The following NXF1 variants were observed in gnomAD, a reference collection of about 807,000 sequenced individuals.
NXF1 encodes the protein mRNA export factor TAP.
A neutral mutation model predicts 92.4 loss-of-function variants in NXF1; 43 were observed. The ratio of observed to expected loss-of-function variants is 0.47; its 90% CI spans 0.36 to 0.60. The LOEUF is 0.60. Among genes scored for constraint, NXF1 ranks in the 20% least tolerant of loss-of-function variants. NXF1 has a pLI of 0.00. For synonymous variants in NXF1, 288 were observed against 292.2 expected, an observed-to-expected ratio of 0.99 and a Z score of 0.15; for missense variants, 576 against 793.0, an observed-to-expected ratio of 0.73 and a Z score of 3.29.
Position 62,801,528 on chromosome 11 carries a change from C to G in NXF1, c.709+34G>C, listed in dbSNP as rs1314013208. ...CTCCCTGACAGATCCCACCTTATCA[C>G]CACCTATCTGAGAACTACTGCTGTC... On this transcript the variant is annotated intron_variant, in intron 7 of 20. Coordinates refer to ENST00000294172, the MANE Select transcript of NXF1 (RefSeq NM_006362.5). The G allele has an allele frequency of 1.9e-6, 3 of 1,611,968 alleles. No individual in the cohort carries two copies. In the South Asian group the frequency reaches 3.3e-5, roughly 18 times the overall value.
rs374730186 is a variant in NXF1 at position 62,797,375 on chromosome 11, C to G, written c.1065G>C (p.Glu355Asp). 4.3e-6 allele frequency: 7 copies of G among 1,613,388 alleles called. No homozygotes were observed. Among genetic ancestry groups the G allele is most frequent in the Non-Finnish European group, 5.9e-6 (7 of 1,179,950 alleles). ...FPKLLRLDGH[E>D]LPPPIAFDVE... ...CATCAAAGGCAATTGGTGGGGGTAGCTCATGGCCATCCTGTGGAAAGGAAG... is the reference window on the plus strand; with the variant it reads ...CATCAAAGGCAATTGGTGGGGGTAGGTCATGGCCATCCTGTGGAAAGGAAG... Residue 355 changes from glutamate to aspartate, a missense_variant, in exon 12 of 21, where the codon GAG (glutamate) becomes GAC (aspartate). Glu to Asp is a conservative substitution (Grantham distance 45, BLOSUM62 2). This residue lies in a region of NXF1 where 425 missense variants were observed against 635.2 expected (regional missense o/e 0.67). Transcript: ENST00000294172.
chr11:62,805,250 C>T, intron 1 of NXF1, 79 bp downstream of exon 1: 1 of 1,469,988 alleles, frequency 6.8e-7, no homozygotes, highest in Non-Finnish European at 9.1e-7. Context: ...GGCCTCACGC[C>T]CCGGGGGCTG....
At position 62,797,301 on chromosome 11, in the gene NXF1, C is replaced by A. The variant is rs776381984; in HGVS notation, c.1122+17G>T. 1 of 1,614,048 alleles carries A rather than the reference C, an allele frequency of 6.2e-7. No individual in the cohort carries two copies. The highest frequency in any genetic ancestry group is 1.3e-5 in the African/African-American group (1 of 74,934). Reference sequence around the variant, plus strand: ...TTCTCTCCACACACAAGTTCTTACTCTGTCCATGCTTCCTACCTTGCAGGG... The same window carrying A: ...TTCTCTCCACACACAAGTTCTTACTATGTCCATGCTTCCTACCTTGCAGGG... On this transcript the variant is annotated intron_variant, in intron 12 of 20. Coordinates refer to ENST00000294172, the MANE Select transcript of NXF1 (RefSeq NM_006362.5).
chr11:62,798,438 A>AT, intron 11 of NXF1, 101 bp downstream of exon 11: 1 of 1,049,862 alleles, frequency 9.5e-7, no homozygotes. Context: ...GTCTCAAATA[A>AT]AAAAAAAAAA....
chr11:62,799,951 G>C, intron 10 of NXF1: 1 of 997,086 alleles, frequency 1.0e-6, no homozygotes, highest in Non-Finnish European at 1.2e-6. Context: ...AAGGAGGGAA[G>C]GCCCATCTCA....
chr11:62,797,185 T>C lies in NXF1; in HGVS notation c.1176A>G (p.Gln392=). The C allele has an allele frequency of 6.2e-7, 1 of 1,614,050 alleles. No individual in the cohort carries two copies. Among genetic ancestry groups the C allele is most frequent in the Non-Finnish European group, 8.5e-7 (1 of 1,179,930 alleles). The part of the protein sequence containing the change: ...NLKSLVLHFL[Q]QYYAIYDSGD... Reference sequence around the variant, plus strand: ...AGGGGGGACCCTGGGATACTTACTGTTGCAGGAAGTGCAAGACCAGACTCT... The same window carrying C: ...AGGGGGGACCCTGGGATACTTACTGCTGCAGGAAGTGCAAGACCAGACTCT... Residue 392 remains glutamine (Q), a splice_region_variant and synonymous_variant, in exon 13 of 21, where the codon CAA becomes CAG. Transcript: ENST00000294172.
chr11:62,792,731 G>C, intron 19 of NXF1, 30 bp from the exon 20 acceptor site: 1 of 1,611,828 alleles, frequency 6.2e-7, no homozygotes, highest in Non-Finnish European at 8.5e-7. Context: ...AGCTCTGTAA[G>C]AACTCTGACT....
At chr11:62,800,703 A>G (rs974299564) in intron 9 of NXF1, among the ~76,000 whole-genome samples, 1 of 151,870 alleles carries the variant, frequency 6.6e-6, no homozygotes, top group African/African-American at 2.4e-5. Context: ...CCTGGACTCA[A>G]GAGATCCTCC....
rs2084506050 is a variant in NXF1 at position 62,803,876 on chromosome 11, C to T, written c.131G>A (p.Gly44Asp). The T allele has an allele frequency of 6.2e-7, 1 of 1,614,224 alleles. No homozygotes were observed. Among genetic ancestry groups the T allele is most frequent in the Non-Finnish European group, 8.5e-7 (1 of 1,180,052 alleles). ...GEGNRRSGRG[G>D]SGIRSSRLEE... ...AAGGCGGGAAGACCGAATACCAGAA[C>T]CGCCTCTTCCAGACCTACGGTTTCC... The change falls in exon 2 of 21, where the codon GGT (glycine) becomes GAT (aspartate). Residue 44 changes from glycine to aspartate, a missense_variant. Gly to Asp is a moderately conservative substitution (Grantham distance 94). This residue lies in a region of NXF1 where 151 missense variants were observed against 157.8 expected (regional missense o/e 0.96). Coordinates refer to ENST00000294172, the MANE Select transcript of NXF1 (RefSeq NM_006362.5).
chr11:62,804,071 G>A (rs775809135), intron 1 of NXF1, 93 bp from the exon 2 acceptor site: 1 of 1,597,900 alleles, frequency 6.3e-7, no homozygotes. Context: ...ACTATTGGAA[G>A]AGATACATAC....
At chr11:62,798,901 C>A in intron 10 of NXF1, 1 of 1,132,182 alleles carries the variant, frequency 8.8e-7, no homozygotes. Flanking sequence ...CTGTGCAGCC[C>A]CGGGAGGAGG....
intron 19 of NXF1, 36 bp downstream of exon 19, chr11:62,794,222 C>T (rs773899986): frequency 3.8e-6 from 6 of 1,583,594 alleles, no homozygotes; most frequent in Admixed American, 1.7e-5. Flanking sequence ...AGCCCTACTT[C>T]AGTGCATCCC....
At chr11:62,799,607 A>G (rs1426566553) in intron 10 of NXF1, 1 of 985,692 alleles carries the variant, frequency 1.0e-6, no homozygotes, top group African/African-American at 1.7e-5. Flanking sequence ...AAACAGGGTG[A>G]CGTGCAGTGT....
chr11:62,797,340 G>A lies in NXF1; in HGVS notation c.1100C>T (p.Pro367Leu). Reference sequence around the variant, plus strand: ...TACCTTGCAGGGCGGTAACGTCGTGGGGGCTTCAACATCAAAGGCAATTGG... The same window carrying A: ...TACCTTGCAGGGCGGTAACGTCGTGAGGGCTTCAACATCAAAGGCAATTGG... ...PPPIAFDVEA[P>L]TTLPPCKGSY... The change falls in exon 12 of 21, where the codon CCC (proline) becomes CTC (leucine). Residue 367 changes from proline (P) to leucine (L), a missense_variant. This residue lies in a region of NXF1 where 425 missense variants were observed against 635.2 expected (regional missense o/e 0.67). Coordinates refer to ENST00000294172, the MANE Select transcript of NXF1 (RefSeq NM_006362.5). 2.5e-6 allele frequency: 4 copies of A among 1,614,046 alleles called. No homozygotes were observed. Among genetic ancestry groups the A allele is most frequent in the Non-Finnish European group, 3.4e-6 (4 of 1,179,996 alleles).
At chr11:62,800,580 C>T in intron 9 of NXF1, 94 bp from the exon 10 acceptor site, 26 of 627,702 alleles carry the variant, frequency 4.1e-5, no homozygotes, top group South Asian at 1.7e-4. Flanking sequence ...GCTCTGAGAT[C>T]TTTTCTAATC....
At chr11:62,800,342 G>T in intron 10 of NXF1, 35 bp downstream of exon 10, 2 of 1,613,746 alleles carry the variant, frequency 1.2e-6, no homozygotes, top group Non-Finnish European at 1.7e-6. Context: ...AGGGGGTGAA[G>T]GTCCCCAGGA....
intron 10 of NXF1, chr11:62,799,317 G>A (rs542437358): frequency 9.1e-6 from 9 of 985,794 alleles, no homozygotes; most frequent in South Asian, 4.7e-5. Flanking sequence ...AATCCTTGCT[G>A]TGGTGAGTGG....
At chr11:62,793,955 C>G (rs959333485) in intron 19 of NXF1, among the ~76,000 whole-genome samples, 1 of 150,870 alleles carries the variant, frequency 6.6e-6, no homozygotes, top group East Asian at 1.9e-4. Context: ...GAGCCAAGAT[C>G]GCACCACTGC....
At position 62,796,356 on chromosome 11, in the gene NXF1, A is replaced by G. The variant is rs1249475434; in HGVS notation, c.1287-11T>C. 3 of 1,614,026 alleles carry G rather than the reference A, an allele frequency of 1.9e-6. No homozygotes were observed. The highest frequency in any genetic ancestry group is 2.7e-5 in the African/African-American group (2 of 74,912). ...TCGGCTAAGCTGCTTCTGGGGGAAT[A>G]AAAGGAATGGACGTGGTGTTCAGAG... On this transcript the variant is annotated splice_polypyrimidine_tract_variant and intron_variant, in intron 14 of 20. Coordinates refer to ENST00000294172, the MANE Select transcript of NXF1 (RefSeq NM_006362.5).
Sources: gnomAD v4.1 joint callset for allele counts (sites outside exome capture counted in the v4.1 genomes callset) on GRCh38, gnomAD v4.1.1 for gene constraint, gnomAD v4.1.1 regional missense constraint, MANE v1.5 for transcripts, NCBI Gene and HGNC (gene_info 2026-07-23, HGNC 2026-07-21) for gene names.